Variants in RIPOR1 observed in about 807,000 individuals in gnomAD.
The protein encoded by RIPOR1 is rho family-interacting cell polarization regulator 1.
RIPOR1 carries 58 observed loss-of-function variants against 116.5 expected under a neutral mutation model. The observed-to-expected ratio is 0.50, with a 90% CI of 0.40 to 0.62. RIPOR1 has a LOEUF of 0.62. Among genes scored for constraint, RIPOR1 ranks in the 20% least tolerant of loss-of-function variants. The pLI, the probability that RIPOR1 is intolerant of heterozygous loss-of-function variation, is 0.00. For synonymous variants in RIPOR1, 605 were observed against 650.0 expected (o/e 0.93, Z 1.05); for missense variants, 1,372 against 1,586.2 (o/e 0.86, Z 2.29).
intron 1 of RIPOR1, among the ~76,000 whole-genome samples, chr16:67,533,974 AT>A (rs767462361): frequency 0.012 from 1,476 of 123,426 alleles, 14 homozygotes; most frequent in Non-Finnish European, 0.013. Flanking sequence ...CGCCCGGCTA[AT>A]TTTTTTTTTT....
Position 67,543,208 on chromosome 16 carries a change from T to C in RIPOR1, c.2422T>C (p.Phe808Leu). 5.1e-6 allele frequency: 8 copies of C among 1,562,330 alleles called. No individual in the cohort carries two copies. Among genetic ancestry groups the C allele is most frequent in the Non-Finnish European group, 6.9e-6 (8 of 1,152,286 alleles). Residue 808 changes from phenylalanine to leucine, a missense_variant, in exon 13 of 22, where the codon TTT becomes CTT. Physicochemically the swap from Phe to Leu is conservative, Grantham distance 22 (BLOSUM62 0). Transcript: ENST00000042381. The surrounding 1 kb of genome is among the most constrained non-coding windows in gnomAD (Gnocchi z 4.7). ...TGCCCTGGATGACTACCGTGGCCAG[T>C]TTCCTGAGCTGCAGGGCCTGGAGCA... The part of the protein sequence containing the change: ...MAALDDYRGQ[F>L]PELQGLEQEV...
Position 67,545,875 on chromosome 16 carries a change from G to A in RIPOR1, c.3387+15G>A, listed in dbSNP as rs780911988. On this transcript the variant is annotated intron_variant, in intron 19 of 21. Transcript: ENST00000042381. The surrounding 1 kb of genome is among the most constrained non-coding windows in gnomAD (Gnocchi z 4.8). ...TCCGGGAGAGGGTGAGTTGGACAGG[G>A]CTCCCTTGAGGGCGAGGGCTGGGGT... 1 of 1,609,596 alleles carries A rather than the reference G, an allele frequency of 6.2e-7. No individual in the cohort carries two copies. Among genetic ancestry groups the A allele is most frequent in the South Asian group, 1.1e-5 (1 of 90,496 alleles).
At chr16:67,534,610 C>T (rs2050745316) in intron 1 of RIPOR1, among the ~76,000 whole-genome samples, 1 of 152,134 alleles carries the variant, frequency 6.6e-6, no homozygotes, top group Non-Finnish European at 1.5e-5. Flanking sequence ...CCTCTTCAGT[C>T]ACAACACCTG....
intron 20 of RIPOR1, 49 bp from the exon 21 acceptor site, chr16:67,546,092 C>T (rs1324830222): frequency 6.2e-7 from 1 of 1,603,280 alleles, no homozygotes; most frequent in Non-Finnish European, 8.5e-7. Flanking sequence ...CCCCTGAAAC[C>T]CTCCCATCTG....
intron 1 of RIPOR1, among the ~76,000 whole-genome samples, chr16:67,522,517 A>G (rs2050504021): frequency 6.6e-6 from 1 of 151,854 alleles, no homozygotes; most frequent in South Asian, 2.1e-4. Context: ...TTGTATTTTT[A>G]GTAGAGACGG....
chr16:67,522,191 A>ATTTTTTTTT lies in RIPOR1; in HGVS notation c.-24+3599_-24+3607dup, dbSNP rs34835336. ...TACAGGCGTGTGCCACCACGCCCAG[A>ATTTTTTTTT]TTTTTTTTTTTTTTTTTTTTTTTTT... is the stretch of plus-strand genomic sequence containing the variant. On this transcript the variant is annotated intron_variant, in intron 1 of 1. Transcript: ENST00000562116. Among the ~76,000 whole-genome samples, 25 of 71,340 alleles carry ATTTTTTTTT rather than the reference A, an allele frequency of 3.5e-4. 2 individuals are homozygous for ATTTTTTTTT. Among genetic ancestry groups the ATTTTTTTTT allele is most frequent in the African/African-American group, 5.7e-4 (10 of 17,494 alleles). The allele number at this position is 71,340 out of a possible 152,430, so 46.8% of individuals were successfully genotyped here.
chr16:67,524,279 C>T (rs1455528186), upstream of RIPOR1, among the ~76,000 whole-genome samples: 1 of 152,172 alleles, frequency 6.6e-6, no homozygotes, highest in African/African-American at 2.4e-5. Flanking sequence ...TTGACACACA[C>T]AAAGGAAAGT....
At chr16:67,538,278 CGGCGGGA>C in intron 1 of RIPOR1, 139 bp from the exon 2 acceptor site, 2 of 1,049,540 alleles carry the variant, frequency 1.9e-6, no homozygotes, top group African/African-American at 3.3e-5. Flanking sequence ...GTGCCCGGGT[CGGCGGGA>C]CTAGGCGGAC....
In RIPOR1 at chr16:67,539,087, G is replaced by A. The variant is rs1276735008; in HGVS notation, c.336+19G>A. On this transcript the variant is annotated intron_variant, in intron 4 of 21. Coordinates refer to ENST00000042381, the MANE Select transcript of RIPOR1 (RefSeq NM_024519.4). Reference sequence around the variant, plus strand: ...CCGCTTGGTGAGTGGCGGGAGGTACGGATGCCCTTTGCCTCTTTGGTGTGG... The same window carrying A: ...CCGCTTGGTGAGTGGCGGGAGGTACAGATGCCCTTTGCCTCTTTGGTGTGG... The A allele has an allele frequency of 1.9e-6, 3 of 1,607,524 alleles. No homozygotes were observed. Among genetic ancestry groups the A allele is most frequent in the Admixed American group, 1.7e-5 (1 of 58,266 alleles).
rs554470162 is a variant in RIPOR1, at chr16:67,521,714, A to T, written c.-24+3101A>T. Among the ~76,000 whole-genome samples the T allele has an allele frequency of 2.6e-5, 4 of 152,270 alleles. No homozygotes were observed. In the South Asian group the frequency reaches 8.3e-4, roughly 32 times the overall value. On this transcript the variant is annotated intron_variant, in intron 1 of 1. Transcript: ENST00000562116. ...TGGACTAGCGGGGACAATGACAGCG[A>T]CACTGGCCAGCCTCAGGCGGTGTCC... is the stretch of plus-strand genomic sequence containing the variant.
rs2051174820 is a variant in RIPOR1 at position 67,546,496 on chromosome 16, C to T, written c.*33C>T. The T allele has an allele frequency of 2.7e-5, 43 of 1,573,188 alleles. No homozygotes were observed. The highest frequency in any genetic ancestry group is 3.8e-5 in the Non-Finnish European group (43 of 1,144,974). On this transcript the variant is annotated 3_prime_UTR_variant, in exon 22 of 22. Transcript: ENST00000042381. The stretch of plus-strand genomic sequence containing the variant: ...ACCCATGGGTTCCTGGTGCCCCTTT[C>T]CCCCCACTTTCAGGGCTCACCAGGC...
Position 67,539,087 on chromosome 16 carries a change from G to C in RIPOR1, c.336+19G>C. 1 of 1,607,524 alleles carries C rather than the reference G, an allele frequency of 6.2e-7. No homozygotes were observed. The highest frequency in any genetic ancestry group is 8.5e-7 in the Non-Finnish European group (1 of 1,177,060). The stretch of plus-strand genomic sequence containing the variant: ...CCGCTTGGTGAGTGGCGGGAGGTAC[G>C]GATGCCCTTTGCCTCTTTGGTGTGG... On this transcript the variant is annotated intron_variant, in intron 4 of 21. Transcript: ENST00000042381.
At chr16:67,520,486 T>C (rs1442116523) in intron 1 of RIPOR1, among the ~76,000 whole-genome samples, 1 of 137,850 alleles carries the variant, frequency 7.3e-6, no homozygotes, top group Non-Finnish European at 1.5e-5. Flanking sequence ...GGCCCTGAAG[T>C]TGTACCCTGG....
rs372761052 is a variant in RIPOR1, at chr16:67,540,531, C to G, written c.675+30C>G. The stretch of plus-strand genomic sequence containing the variant: ...GAGAATGTGCAGGGAAGGGCTGGGT[C>G]GGTAGGGTCCCAACACCTAGGCTGC... On this transcript the variant is annotated intron_variant, in intron 9 of 21. Coordinates refer to ENST00000042381, the MANE Select transcript of RIPOR1 (RefSeq NM_024519.4). This position sits in a 1 kb window ranked among gnomAD's most constrained non-coding sequence, Gnocchi z 4.7. 1.2e-6 allele frequency: 2 copies of G among 1,613,968 alleles called. No homozygotes were observed. The highest frequency in any genetic ancestry group is 2.2e-5 in the East Asian group (1 of 44,894).
At position 67,545,797 on chromosome 16, in the gene RIPOR1, G is replaced by C. The variant is rs746688966; in HGVS notation, c.3324G>C (p.Lys1108Asn). Residue 1108 changes from lysine to asparagine, a missense_variant, in exon 19 of 22, where the codon AAG (lysine) becomes AAC (asparagine). By Grantham distance (94) the Lys-to-Asn change is moderately conservative. Transcript: ENST00000042381. This position sits in a 1 kb window ranked among gnomAD's most constrained non-coding sequence, Gnocchi z 4.8. ...LSSLLVHGNNKVMAAVSTQLR... is the reference protein window; with the variant it reads ...LSSLLVHGNNNVMAAVSTQLR... ...CCCTGCTCGTCCATGGCAACAACAA[G>C]GTCATGGCTGCTGTCAGCACCCAGC... The C allele has an allele frequency of 6.2e-7, 1 of 1,612,544 alleles. No homozygotes were observed. The highest frequency in any genetic ancestry group is 8.5e-7 in the Non-Finnish European group (1 of 1,179,252).
rs375614196 is a variant in RIPOR1 at position 67,546,487 on chromosome 16, T to C, written c.*24T>C. The C allele has an allele frequency of 6.3e-7, 1 of 1,584,394 alleles. No homozygotes were observed. Among genetic ancestry groups the C allele is most frequent in the Non-Finnish European group, 8.7e-7 (1 of 1,154,422 alleles). On this transcript the variant is annotated 3_prime_UTR_variant, in exon 22 of 22. Transcript: ENST00000042381. ...AAACTATTCACCCATGGGTTCCTGG[T>C]GCCCCTTTCCCCCCACTTTCAGGGC...
At chr16:67,520,377 CAA>C (rs1178600699) in intron 1 of RIPOR1, among the ~76,000 whole-genome samples, 3 of 68,768 alleles carry the variant, frequency 4.4e-5, no homozygotes, top group Admixed American at 1.7e-4. Context: ...GACCCCATCT[CAA>C]AAAAAAAAAA....
intron 1 of RIPOR1, among the ~76,000 whole-genome samples, chr16:67,523,239 G>A (rs2050509600): frequency 6.6e-6 from 1 of 151,976 alleles, no homozygotes; most frequent in African/African-American, 2.4e-5. Context: ...TCCCACTGCG[G>A]GACTATGTCA....
chr16:67,545,914 T>C lies in RIPOR1; in HGVS notation c.3388-35T>C. The C allele has an allele frequency of 6.2e-7, 1 of 1,613,550 alleles. No homozygotes were observed. The highest frequency in any genetic ancestry group is 8.5e-7 in the Non-Finnish European group (1 of 1,179,692). ...GAGGGCTGGGGTCCTGGACTCCCAC[T>C]GTCTGGCTAAGTCTGTCCTCCCACC... On this transcript the variant is annotated intron_variant, in intron 19 of 21. Coordinates refer to ENST00000042381, the MANE Select transcript of RIPOR1 (RefSeq NM_024519.4). This position sits in a 1 kb window ranked among gnomAD's most constrained non-coding sequence, Gnocchi z 4.8.
Sources: allele counts gnomAD v4.1 joint callset (sites outside exome capture counted in the v4.1 genomes callset), GRCh38; gene constraint gnomAD v4.1.1; non-coding constraint Gnocchi (gnomAD v3.1); transcripts MANE v1.5; gene names NCBI Gene and HGNC (gene_info 2026-07-23, HGNC 2026-07-21).